MED13L: variants seen among roughly 807,000 people sequenced by gnomAD.
MED13L encodes the protein mediator of RNA polymerase II transcription subunit 13-like.
Under a neutral mutation model 220.9 loss-of-function variants are expected in MED13L, and 7 were observed. The ratio of observed to expected loss-of-function variants is 0.03; its 90% CI spans 0.02 to 0.06. The LOEUF (loss-of-function observed/expected upper bound fraction) is 0.06. Among genes scored for constraint, MED13L ranks in the 10% least tolerant of loss-of-function variants. MED13L has a pLI of 1.00. For missense variants in MED13L, 1,965 were observed against 2,760.5 expected, an observed-to-expected ratio of 0.71 and a Z score of 6.46; for synonymous variants, 1,011 against 1,015.2, an observed-to-expected ratio of 1.00 and a Z score of 0.08.
intron 3 of MED13L, among the ~76,000 whole-genome samples, chr12:116,100,598 CAAAAAAAA>C (rs760855189): frequency 2.9e-5 from 2 of 68,002 alleles, no homozygotes; most frequent in African/African-American, 5.7e-5. Flanking sequence ...GACTCCGTCT[CAAAAAAAA>C]AAAAAAAAAA....
intron 2 of MED13L, among the ~76,000 whole-genome samples, chr12:116,193,613 T>C (rs1476612035): frequency 1.5e-3 from 9 of 6,136 alleles, no homozygotes; most frequent in Non-Finnish European, 2.1e-3. Flanking sequence ...TAGAAATCTC[T>C]CAGAAAAAAA....
chr12:115,991,681 G>A lies in MED13L; in HGVS notation c.3273C>T (p.Pro1091=), dbSNP rs145072799. 1.1e-5 allele frequency: 17 copies of A among 1,613,864 alleles called. No homozygotes were observed. Among genetic ancestry groups the A allele is most frequent in the Non-Finnish European group, 1.4e-5 (17 of 1,180,004 alleles). The part of the protein sequence containing the change: ...SPASTPSTTR[P]LNSVEPATMQ... The stretch of plus-strand genomic sequence containing the variant: ...TGGTGGCGGGCTCCACAGAGTTGAG[G>A]GGCCGTGTAGTAGAGGGGGTGGAGG... The change falls in exon 17 of 31, where the codon CCC becomes CCT. Residue 1091 remains proline, a synonymous_variant. Transcript: ENST00000281928. The surrounding 1 kb of genome is among the most constrained non-coding windows in gnomAD (Gnocchi z 7.7).
chr12:116,191,574 C>T (rs1285107383), intron 2 of MED13L, among the ~76,000 whole-genome samples: 1 of 152,110 alleles, frequency 6.6e-6, no homozygotes, highest in African/African-American at 2.4e-5. Flanking sequence ...AAGCAATCCA[C>T]CCACCTCAGC....
chr12:115,982,186 C>T, intron 22 of MED13L, 198 bp downstream of exon 22: 1 of 596,084 alleles, frequency 1.7e-6, no homozygotes, highest in Non-Finnish European at 3.0e-6. Context: ...AGACTTGGGC[C>T]CACTGCAAAG....
chr12:115,996,179 C>G (rs914107828), intron 16 of MED13L, among the ~76,000 whole-genome samples: 1 of 152,068 alleles, frequency 6.6e-6, no homozygotes, highest in Non-Finnish European at 1.5e-5. Flanking sequence ...CAACCTCCAC[C>G]TCCCGGGTTC....
At chr12:116,167,106 A>G (rs1385020924) in intron 2 of MED13L, among the ~76,000 whole-genome samples, 1 of 152,192 alleles carries the variant, frequency 6.6e-6, no homozygotes, top group East Asian at 1.9e-4. Flanking sequence ...GAAACAAAAG[A>G]TTAAAGATGA....
At chr12:116,119,958 C>A (rs538538221) in intron 2 of MED13L, among the ~76,000 whole-genome samples, 1 of 149,584 alleles carries the variant, frequency 6.7e-6, no homozygotes, top group African/African-American at 2.5e-5. Context: ...TGCTTTTACA[C>A]CTACTGTTAC....
intron 4 of MED13L, among the ~76,000 whole-genome samples, chr12:116,029,890 C>G (rs776206185): frequency 6.6e-5 from 10 of 152,260 alleles, no homozygotes; most frequent in South Asian, 4.2e-4. Context: ...AAATTGAATA[C>G]ATAACAAGAC....
chr12:116,124,353 C>T (rs1875397085), intron 2 of MED13L, among the ~76,000 whole-genome samples: 1 of 152,106 alleles, frequency 6.6e-6, no homozygotes, highest in Admixed American at 6.6e-5. Context: ...TCTATAAATC[C>T]AATTTTTTGG....
intron 2 of MED13L, among the ~76,000 whole-genome samples, chr12:116,133,461 C>A (rs924336607): frequency 3.9e-5 from 6 of 152,126 alleles, no homozygotes; most frequent in Non-Finnish European, 7.4e-5. Flanking sequence ...TACTGTAACT[C>A]TTGGTTCTGC....
At chr12:116,151,505 A>T (rs1389995016) in intron 2 of MED13L, among the ~76,000 whole-genome samples, 3 of 152,254 alleles carry the variant, frequency 2.0e-5, no homozygotes, top group African/African-American at 7.2e-5. Context: ...TTTAGAATAA[A>T]GCACAGTACA....
At chr12:116,119,444 T>C (rs1324969748) in intron 2 of MED13L, among the ~76,000 whole-genome samples, 2 of 152,118 alleles carry the variant, frequency 1.3e-5, no homozygotes, top group African/African-American at 2.4e-5. Context: ...TGCCAAATAG[T>C]TGGATACCCA....
At chr12:116,167,827 A>G (rs984886784) in intron 2 of MED13L, among the ~76,000 whole-genome samples, 2 of 152,160 alleles carry the variant, frequency 1.3e-5, no homozygotes, top group African/African-American at 2.4e-5. Flanking sequence ...GCTAATAGCT[A>G]TAACATGGCC....
intron 1 of MED13L, among the ~76,000 whole-genome samples, chr12:116,249,732 C>A (rs1593208916): frequency 4.0e-5 from 2 of 49,946 alleles, no homozygotes; most frequent in Non-Finnish European, 7.0e-5. Flanking sequence ...TAAGTACCTA[C>A]CCAAAAAAAA....
At chr12:116,083,504 T>C (rs1263056543) in intron 4 of MED13L, among the ~76,000 whole-genome samples, 5 of 150,782 alleles carry the variant, frequency 3.3e-5, no homozygotes, top group African/African-American at 1.2e-4. Flanking sequence ...ACATAGCATA[T>C]GGTGAGTAGA....
intron 4 of MED13L, among the ~76,000 whole-genome samples, chr12:116,044,230 A>C (rs142459234): frequency 2.2e-3 from 332 of 152,212 alleles, no homozygotes; most frequent in Non-Finnish European, 3.6e-3. Flanking sequence ...AGCCAACTTA[A>C]GCACTTTTCA....
chr12:116,159,158 CTATT>C lies in MED13L; in HGVS notation c.311-47650_311-47647del, dbSNP rs1878670665. 3.9e-5 allele frequency among the ~76,000 whole-genome samples: 6 copies of C among 152,260 alleles called. No homozygotes were observed. In the South Asian group the frequency reaches 1.2e-3, roughly 32 times the overall value. On this transcript the variant is annotated intron_variant, in intron 2 of 30. Transcript: ENST00000281928. ...TTAAGAGTTAAAGATCGACAGTATT[CTATT>C]TATTTAGAAGCCTCTTAAAATAAAT... is the stretch of plus-strand genomic sequence containing the variant.
At chr12:116,096,041 C>T (rs1872606359) in intron 4 of MED13L, among the ~76,000 whole-genome samples, 2 of 152,056 alleles carry the variant, frequency 1.3e-5, no homozygotes, top group South Asian at 4.2e-4. Context: ...TAAACTTATT[C>T]CATACAACAC....
intron 9 of MED13L, among the ~76,000 whole-genome samples, chr12:116,012,258 T>C (rs929255635): frequency 6.6e-5 from 10 of 152,096 alleles, no homozygotes; most frequent in African/African-American, 2.4e-4. Context: ...CCATGAAGAA[T>C]GCAAAAATTT....
Sources: gnomAD v4.1 joint callset for allele counts (sites outside exome capture counted in the v4.1 genomes callset) on GRCh38, gnomAD v4.1.1 for gene constraint, Gnocchi (gnomAD v3.1) non-coding constraint, MANE v1.5 for transcripts, NCBI Gene and HGNC (gene_info 2026-07-23, HGNC 2026-07-21) for gene names.